Variants in ABCC9 observed in about 807,000 individuals in gnomAD.
The protein encoded by ABCC9 is ATP binding cassette subfamily C member 9.
In ABCC9, 95 loss-of-function variants were observed where a neutral mutation model predicts 188.3. That is an observed-to-expected ratio of 0.50 (90% CI 0.43 to 0.60). ABCC9 has a LOEUF of 0.60. Among genes scored for constraint, ABCC9 ranks in the 20% least tolerant of loss-of-function variants. The pLI is 0.00. For synonymous variants in ABCC9, 659 were observed against 652.7 expected (o/e 1.01, Z -0.15); for missense variants, 1,102 against 1,876.3 (o/e 0.59, Z 7.62).
In ABCC9 at chr12:21,798,147, A is replaced by G. The variant is rs1259222726; in HGVS notation, c.*2897T>C. ...GGGGACCAGCAACCACTTGGCTGTA[A>G]GAATGGTGAATGTGATCTTTAGTTT... On this transcript the variant is annotated 3_prime_UTR_variant, in exon 40 of 40. Transcript: ENST00000261200. The G allele has an allele frequency of 6.6e-6, 1 of 152,222 alleles. No individual in the cohort carries two copies. Among genetic ancestry groups the G allele is most frequent in the East Asian group, 1.9e-4 (1 of 5,202 alleles). 9.4% of individuals were successfully genotyped at this position (152,222 alleles called of 1,614,324 possible).
chr12:21,893,995 T>A (rs752955018), intron 14 of ABCC9, 37 bp downstream of exon 14: 13 of 1,610,844 alleles, frequency 8.1e-6, no homozygotes, highest in Non-Finnish European at 1.1e-5. Flanking sequence ...ATTTCTATTA[T>A]CAATAAGCAA....
intron 8 of ABCC9, among the ~76,000 whole-genome samples, chr12:21,911,399 C>T (rs968498754): frequency 6.6e-6 from 1 of 151,754 alleles, no homozygotes; most frequent in Non-Finnish European, 1.5e-5. Context: ...CACTCAGTTG[C>T]CTTTTTCTGA....
intron 30 of ABCC9, among the ~76,000 whole-genome samples, chr12:21,836,558 C>G (rs1200287705): frequency 6.6e-6 from 1 of 152,154 alleles, no homozygotes; most frequent in Non-Finnish European, 1.5e-5. Context: ...TCCTTCTAGA[C>G]AGAGTGCTAC....
In ABCC9 at chr12:21,882,795, G is replaced by A; in HGVS notation, c.1990C>T (p.Pro664Ser). ...SYEQSTRRLR[P>S]AETEDIAIKV... is the part of the protein sequence containing the mutation. ...ATTGCAATGTCCTCTGTTTCTGCGG[G>A]ACGTAGACGCCGTGTTGATTGCTCA... is the stretch of plus-strand genomic sequence containing the variant. Residue 664 changes from proline (P) to serine (S), a missense_variant, in exon 16 of 40, where the codon CCC (proline) becomes TCC (serine). Transcript: ENST00000261200. The A allele has an allele frequency of 6.2e-7, 1 of 1,613,730 alleles. No homozygotes were observed. The highest frequency in any genetic ancestry group is 8.5e-7 in the Non-Finnish European group (1 of 1,179,670).
In ABCC9 at chr12:21,902,773, C is replaced by T. The variant is rs374200353; in HGVS notation, c.1618+3353G>A. Among the ~76,000 whole-genome samples the T allele has an allele frequency of 1.7e-3, 252 of 152,282 alleles. 3 individuals are homozygous for T. In the South Asian group the frequency reaches 0.033, roughly 20 times the overall value. ...GTTGAATCCCTGAATAGACCAATAA[C>T]AGGCTCTGAAATGAAGCAATAATTA... On this transcript the variant is annotated intron_variant, in intron 12 of 39. Coordinates refer to ENST00000261200, the MANE Select transcript of ABCC9 (RefSeq NM_020297.4).
At chr12:21,867,573 C>T (rs140399977) in intron 18 of ABCC9, among the ~76,000 whole-genome samples, 1 of 152,096 alleles carries the variant, frequency 6.6e-6, no homozygotes, top group East Asian at 1.9e-4. Flanking sequence ...TCAGGAATGA[C>T]ATTTGGAAGA....
chr12:21,849,004 C>T (rs1296233083), intron 24 of ABCC9, among the ~76,000 whole-genome samples: 1 of 152,162 alleles, frequency 6.6e-6, no homozygotes, highest in East Asian at 1.9e-4. Context: ...GACCTCAGGA[C>T]TGCAGTAGTA....
chr12:21,904,502 TG>T (rs1465805303), intron 12 of ABCC9, among the ~76,000 whole-genome samples: 1 of 152,064 alleles, frequency 6.6e-6, no homozygotes, highest in East Asian at 1.9e-4. Flanking sequence ...ACCTACAGAA[TG>T]GGAGAAAATT....
intron 13 of ABCC9, 138 bp from the exon 14 acceptor site, chr12:21,894,312 T>C: frequency 9.8e-7 from 1 of 1,017,212 alleles, no homozygotes; most frequent in Non-Finnish European, 1.5e-6. Flanking sequence ...CATCCAAAAC[T>C]CCCTAATTAA....
intron 15 of ABCC9, among the ~76,000 whole-genome samples, chr12:21,884,663 A>C (rs369020773): frequency 6.6e-6 from 1 of 152,332 alleles, no homozygotes; most frequent in Non-Finnish European, 1.5e-5. Context: ...AAACTATCAA[A>C]TAGTACATTG....
chr12:21,814,836 T>C (rs1942496253), intron 34 of ABCC9, 114 bp from the exon 35 acceptor site: 2 of 816,844 alleles, frequency 2.4e-6, no homozygotes, highest in East Asian at 5.4e-5. Flanking sequence ...TATGTTTAAA[T>C]AATTACATTA....
chr12:21,860,682 G>C (rs555787748), intron 21 of ABCC9, among the ~76,000 whole-genome samples: 4 of 152,106 alleles, frequency 2.6e-5, no homozygotes, highest in Non-Finnish European at 5.9e-5. Context: ...CAAGCTCCAC[G>C]TAAGCAAAAA....
At chr12:21,872,595 G>A (rs1171550617) in intron 18 of ABCC9, 30 bp downstream of exon 18, 1 of 1,477,420 alleles carries the variant, frequency 6.8e-7, no homozygotes, top group Non-Finnish European at 9.5e-7. Flanking sequence ...GTATGACATA[G>A]CAATGGAAGC....
At chr12:21,915,075 A>G (rs1948478922) in intron 7 of ABCC9, among the ~76,000 whole-genome samples, 2 of 151,088 alleles carry the variant, frequency 1.3e-5, no homozygotes, top group African/African-American at 4.9e-5. Context: ...TAATTTTTGT[A>G]TTTTTAGTAA....
chr12:21,897,223 G>A (rs1420890281), intron 12 of ABCC9, among the ~76,000 whole-genome samples: 1 of 152,128 alleles, frequency 6.6e-6, no homozygotes, highest in Non-Finnish European at 1.5e-5. Flanking sequence ...GTCTTCCTTT[G>A]AGAAGTGTCT....
chr12:21,913,980 G>A (rs1470798999), intron 7 of ABCC9, among the ~76,000 whole-genome samples: 1 of 152,096 alleles, frequency 6.6e-6, no homozygotes, highest in African/African-American at 2.4e-5. Context: ...ACTATGCTTA[G>A]GCTAGACTGC....
intron 22 of ABCC9, among the ~76,000 whole-genome samples, chr12:21,854,869 A>G (rs964905479): frequency 5.9e-5 from 9 of 152,338 alleles, no homozygotes; most frequent in African/African-American, 1.9e-4. Context: ...ATATAAAGTG[A>G]TATCTCCACA....
intron 2 of ABCC9, among the ~76,000 whole-genome samples, chr12:21,937,854 C>T (rs994338446): frequency 1.3e-5 from 2 of 152,158 alleles, no homozygotes; most frequent in Non-Finnish European, 2.9e-5. Context: ...CCGTATTACA[C>T]AACCTCCAAC....
At chr12:21,829,390 A>G (rs929935920) in intron 30 of ABCC9, among the ~76,000 whole-genome samples, 2 of 151,284 alleles carry the variant, frequency 1.3e-5, no homozygotes, top group East Asian at 3.9e-4. Flanking sequence ...TTTAGTAGAG[A>G]CGAGGTTTCA....
Sources: allele counts gnomAD v4.1 joint callset (sites outside exome capture counted in the v4.1 genomes callset), GRCh38; gene constraint gnomAD v4.1.1; transcripts MANE v1.5; gene names NCBI Gene and HGNC (gene_info 2026-07-23, HGNC 2026-07-21).